The following GSE1 variants were observed in gnomAD, a reference collection of about 807,000 sequenced individuals.
GSE1 encodes Gse1 coiled-coil protein, also known as genetic suppressor element 1.
Under a neutral mutation model 112.6 loss-of-function variants are expected in GSE1, and 32 were observed. The observed-to-expected ratio is 0.28, with a 90% CI of 0.21 to 0.38. The LOEUF (loss-of-function observed/expected upper bound fraction) is 0.38, where lower values mean the gene tolerates loss of function less well. Ranked by LOEUF, GSE1 falls within the 10% of genes least tolerant of loss-of-function variation. The pLI, the probability that GSE1 is intolerant of heterozygous loss-of-function variation, is 1.00. For synonymous variants in GSE1, 1,115 were observed against 735.6 expected (o/e 1.52, Z -8.35); for missense variants, 2,348 against 1,699.2 (o/e 1.38, Z -6.71).
At chr16:85,193,051 C>T (rs1232869483) in intron 1 of GSE1, among the ~76,000 whole-genome samples, 1 of 152,184 alleles carries the variant, frequency 6.6e-6, no homozygotes, top group African/African-American at 2.4e-5. Context: ...TTGGTAAGGC[C>T]TCTAATGCTT....
chr16:85,661,054 G>C (rs1412521110), intron 8 of GSE1, 92 bp from the exon 9 acceptor site: 6 of 1,263,252 alleles, frequency 4.7e-6, no homozygotes, highest in Non-Finnish European at 6.6e-6. Context: ...TGCGCCATCT[G>C]TGTCATCTTA....
chr16:85,462,969 C>G (rs1056633279), intron 2 of GSE1: 7 of 286,604 alleles, frequency 2.4e-5, no homozygotes, highest in African/African-American at 1.6e-4. Context: ...CCCGCCCCCT[C>G]CGGGCCCGTC....
chr16:85,354,092 T>A (rs555959799), intron 1 of GSE1, among the ~76,000 whole-genome samples: 173 of 152,284 alleles, frequency 1.1e-3, no homozygotes, highest in African/African-American at 3.8e-3. Flanking sequence ...TTCCAGCTGC[T>A]CCAGGAAGCC....
chr16:85,666,412 C>G, intron 13 of GSE1, 65 bp downstream of exon 13: 1 of 1,546,542 alleles, frequency 6.5e-7, no homozygotes, highest in Non-Finnish European at 8.9e-7. Context: ...AGTTGCTGAG[C>G]GCCACAGCTG....
chr16:85,235,087 T>G (rs1904456197), intron 1 of GSE1, among the ~76,000 whole-genome samples: 1 of 150,178 alleles, frequency 6.7e-6, no homozygotes, highest in Non-Finnish European at 1.5e-5. Context: ...TGGGGTGAGG[T>G]GGAGGGGCAG....
intron 1 of GSE1, among the ~76,000 whole-genome samples, chr16:85,605,711 G>C (rs1372115896): frequency 6.6e-6 from 1 of 151,994 alleles, no homozygotes; most frequent in African/African-American, 2.4e-5. Flanking sequence ...AACGTTTGCT[G>C]TCTGGGTGGT....
intron 2 of GSE1, among the ~76,000 whole-genome samples, chr16:85,518,752 G>C: frequency 6.6e-6 from 1 of 152,042 alleles, no homozygotes; most frequent in Non-Finnish European, 1.5e-5. Context: ...TGTGCCCAGA[G>C]CTGCCACCGT....
At chr16:85,622,642 T>C (rs1055838648) in intron 1 of GSE1, among the ~76,000 whole-genome samples, 3 of 152,216 alleles carry the variant, frequency 2.0e-5, no homozygotes, top group African/African-American at 7.2e-5. Flanking sequence ...AGAGTGGACC[T>C]TTTTGCAAAG....
At position 85,251,110 on chromosome 16, in the gene GSE1, C is replaced by T. The variant is rs182232372; in HGVS notation, c.2283+79303C>T. Among the ~76,000 whole-genome samples the T allele has an allele frequency of 4.6e-4, 70 of 152,340 alleles. 1 individual carries two copies. The Middle Eastern group carries it at 0.01, about 22-fold the overall frequency. On this transcript the variant is annotated intron_variant, in intron 1 of 2. Transcript: ENST00000637419. ...CCACTCTGGGCTGTTATGAATCACCCGGCTGTGAGCATGCCTGTGGACGCG... is the reference window on the plus strand; with the variant it reads ...CCACTCTGGGCTGTTATGAATCACCTGGCTGTGAGCATGCCTGTGGACGCG...
intron 3 of GSE1, among the ~76,000 whole-genome samples, chr16:85,651,722 G>A (rs1452860918): frequency 6.6e-6 from 1 of 152,196 alleles, no homozygotes; most frequent in Non-Finnish European, 1.5e-5. Context: ...GGTGATGATT[G>A]AAGCCCCTGG....
chr16:85,659,728 T>G (rs2052276673), intron 8 of GSE1: 1 of 152,234 alleles, frequency 6.6e-6, no homozygotes, highest in African/African-American at 2.4e-5. Context: ...GTAGATTAAA[T>G]CTTGTTTTAA....
Position 85,574,525 on chromosome 16 carries a change from G to A in GSE1, c.37+18162G>A, listed in dbSNP as rs561751421. Among the ~76,000 whole-genome samples, 48 of 152,318 alleles carry A rather than the reference G, an allele frequency of 3.2e-4. No homozygotes were observed. In the East Asian group the frequency reaches 5.0e-3, roughly 16 times the overall value. ...TCCCTTCCGCCTCGGACGAGGCCCC[G>A]GGGTCAGAAAGCTACAGGAAGTGAC... On this transcript the variant is annotated intron_variant, in intron 1 of 2. Transcript: ENST00000635906.
chr16:85,170,425 A>G (rs2074340801), exon 1 of GSE1: 1 of 985,638 alleles, frequency 1.0e-6, no homozygotes, highest in Non-Finnish European at 1.2e-6. Flanking sequence ...TGGCAGAGCC[A>G]CTAAGACCCT....
At chr16:85,187,458 T>C (rs1377227751) in intron 1 of GSE1, among the ~76,000 whole-genome samples, 1 of 152,250 alleles carries the variant, frequency 6.6e-6, no homozygotes, top group Non-Finnish European at 1.5e-5. Context: ...AAAAACTTGC[T>C]TCTCAAGTTT....
At chr16:85,638,394 C>G (rs1422368569) in intron 2 of GSE1, among the ~76,000 whole-genome samples, 2 of 152,224 alleles carry the variant, frequency 1.3e-5, no homozygotes, top group African/African-American at 4.8e-5. Context: ...GACCCTTTAA[C>G]CTACTCACCT....
intron 2 of GSE1, among the ~76,000 whole-genome samples, chr16:85,489,528 A>G (rs904388099): frequency 6.6e-6 from 1 of 152,100 alleles, no homozygotes; most frequent in African/African-American, 2.4e-5. Flanking sequence ...ACCCAGACAC[A>G]CAGCCAGTGC....
At chr16:85,421,288 G>T (rs995506690) in intron 2 of GSE1, among the ~76,000 whole-genome samples, 3 of 152,112 alleles carry the variant, frequency 2.0e-5, no homozygotes, top group Non-Finnish European at 2.9e-5. Flanking sequence ...CCTGGCCCCA[G>T]ATTGCAGGGG....
chr16:85,499,029 G>A (rs2051273714), intron 2 of GSE1, among the ~76,000 whole-genome samples: 1 of 152,242 alleles, frequency 6.6e-6, no homozygotes, highest in Admixed American at 6.5e-5. Context: ...TGCATTTGGT[G>A]GAAGGCAGGG....
At chr16:85,512,460 A>C (rs1283413778) in intron 2 of GSE1, among the ~76,000 whole-genome samples, 1 of 152,214 alleles carries the variant, frequency 6.6e-6, no homozygotes, top group Non-Finnish European at 1.5e-5. Context: ...TGGCTGTGCC[A>C]TCCGTCTGCC....
Sources: allele counts gnomAD v4.1 joint callset (sites outside exome capture counted in the v4.1 genomes callset), GRCh38; gene constraint gnomAD v4.1.1; transcripts MANE v1.5; gene names NCBI Gene and HGNC (gene_info 2026-07-23, HGNC 2026-07-21).